The following DISC1 variants were observed in gnomAD, a reference collection of about 807,000 sequenced individuals.
DISC1 encodes disrupted in schizophrenia 1 protein.
DISC1 carries 57 observed loss-of-function variants against 84.5 expected under a neutral mutation model. The observed-to-expected ratio is 0.67, with a 90% confidence interval of 0.55 to 0.84. DISC1 has a LOEUF of 0.84. Among genes scored for constraint, DISC1 ranks in the 40% least tolerant of loss-of-function variants. The pLI is 0.00. For missense variants in DISC1, 1,000 were observed against 1,057.8 expected (o/e 0.95, Z 0.76); for synonymous variants, 411 against 415.2 (o/e 0.99, Z 0.12).
chr1:231,853,521 A>G (rs2084047897), intron 9 of DISC1, among the ~76,000 whole-genome samples: 1 of 152,242 alleles, frequency 6.6e-6, no homozygotes, highest in African/African-American at 2.4e-5. Context: ...ATGTGGCATT[A>G]TAATCTTAGG....
intron 3 of DISC1, among the ~76,000 whole-genome samples, chr1:231,704,967 A>C (rs2124937850): frequency 6.6e-6 from 1 of 152,140 alleles, no homozygotes; most frequent in East Asian, 1.9e-4. Flanking sequence ...CATCTCAAGG[A>C]GTATGCAGTC....
chr1:231,629,053 A>G (rs777739989), intron 1 of DISC1, among the ~76,000 whole-genome samples: 2 of 152,164 alleles, frequency 1.3e-5, no homozygotes, highest in Admixed American at 6.5e-5. Flanking sequence ...CTGCATATCT[A>G]TAGACCCAAA....
At chr1:231,982,761 A>G (rs1663797238) in intron 10 of DISC1, among the ~76,000 whole-genome samples, 3 of 152,190 alleles carry the variant, frequency 2.0e-5, no homozygotes, top group African/African-American at 7.2e-5. Flanking sequence ...ATACGCAAAG[A>G]TAAGAACAGC....
chr1:231,841,721 G>A (rs1284512738), intron 9 of DISC1, among the ~76,000 whole-genome samples: 1 of 152,144 alleles, frequency 6.6e-6, no homozygotes, highest in Admixed American at 6.5e-5. Context: ...TCAATTCACA[G>A]CTTTAACTTA....
At chr1:231,673,922 C>T (rs139044814) in intron 1 of DISC1, among the ~76,000 whole-genome samples, 1 of 152,194 alleles carries the variant, frequency 6.6e-6, no homozygotes, top group Non-Finnish European at 1.5e-5. Flanking sequence ...GTCCTATGCT[C>T]TAAGACATGT....
chr1:231,848,893 C>T lies in DISC1; in HGVS notation c.1981+30376C>T, dbSNP rs113387567. 4.6e-5 allele frequency among the ~76,000 whole-genome samples: 7 copies of T among 152,254 alleles called. 1 individual carries two copies. Among genetic ancestry groups the T allele is most frequent in the African/African-American group, 1.7e-4 (7 of 41,558 alleles). On this transcript the variant is annotated intron_variant, in intron 9 of 12. Coordinates refer to ENST00000439617, the MANE Select transcript of DISC1 (RefSeq NM_018662.3). ...GGGATTACATTATATTCATACTCTGCAGTGTCTTGCACATAGAGGCCTTAC... is the reference window on the plus strand; with the variant it reads ...GGGATTACATTATATTCATACTCTGTAGTGTCTTGCACATAGAGGCCTTAC...
At position 231,724,152 on chromosome 1, in the gene DISC1, G is replaced by C. The variant is rs149274936; in HGVS notation, c.1117+22128G>C. On this transcript the variant is annotated intron_variant, in intron 3 of 12. Transcript: ENST00000439617. Reference sequence around the variant, plus strand: ...CTTGGTACTTCATTTGGCTTTGCATGCTCAATTGTCATATCCTCTGTGTGG... The same window carrying C: ...CTTGGTACTTCATTTGGCTTTGCATCCTCAATTGTCATATCCTCTGTGTGG... 7.5e-4 allele frequency: 387 copies of C among 517,762 alleles called. 1 individual carries two copies. The African/African-American group carries it at 7.6e-3, about 10-fold the overall frequency. The allele number at this position is 517,762 out of a possible 1,614,324, so 32.1% of individuals were successfully genotyped here.
At position 232,034,991 on chromosome 1, in the gene DISC1, G is replaced by A. The variant is rs149404942; in HGVS notation, c.2426-1701G>A. Among the ~76,000 whole-genome samples the A allele has an allele frequency of 9.2e-5, 14 of 152,262 alleles. No homozygotes were observed. In the East Asian group the frequency reaches 2.7e-3, roughly 29 times the overall value. On this transcript the variant is annotated intron_variant, in intron 12 of 12. Coordinates refer to ENST00000439617, the MANE Select transcript of DISC1 (RefSeq NM_018662.3). ...CCATTTTCCTCAAGTTCAAATGCAA[G>A]GAGAGAACCCTAGCAGTAAATGCAT... is the stretch of plus-strand genomic sequence containing the variant.
At chr1:231,642,216 C>G (rs2059773493) in intron 1 of DISC1, among the ~76,000 whole-genome samples, 1 of 152,196 alleles carries the variant, frequency 6.6e-6, no homozygotes. Flanking sequence ...ACCCGCGGAG[C>G]CCATGCTCAC....
At chr1:231,629,440 G>C (rs994000788) in intron 1 of DISC1, 1 of 153,202 alleles carries the variant, frequency 6.5e-6, no homozygotes, top group African/African-American at 2.4e-5. Flanking sequence ...CGAGAGGAGC[G>C]TGAATGCTCT....
At chr1:231,702,294 G>GC (rs1238996862) in intron 3 of DISC1, 1 of 1,149,192 alleles carries the variant, frequency 8.7e-7, no homozygotes, top group African/African-American at 1.6e-5. Context: ...ATATTAGCTT[G>GC]CCACCTGTCT....
At chr1:231,874,625 T>C (rs1476801958) in intron 9 of DISC1, among the ~76,000 whole-genome samples, 2 of 151,844 alleles carry the variant, frequency 1.3e-5, no homozygotes, top group East Asian at 3.9e-4. Context: ...TTATTAAGAA[T>C]ACCAGGCTGG....
rs375735946 is a variant in DISC1, at chr1:231,733,617, AGTG to A, written c.1118-16300_1118-16298del. On this transcript the variant is annotated intron_variant, in intron 3 of 12. Coordinates refer to ENST00000439617, the MANE Select transcript of DISC1 (RefSeq NM_018662.3). ...TGGTAGTTGTGGTGATGATGGTAGG[AGTG>A]GTGGTGGTTGTGGCAGTGCTGGTGA... Among the ~76,000 whole-genome samples the A allele has an allele frequency of 2.0e-3, 295 of 145,922 alleles. 3 individuals are homozygous for A. The highest frequency in any genetic ancestry group is 7.5e-3 in the African/African-American group (288 of 38,646).
Position 232,009,317 on chromosome 1 carries a change from C to T in DISC1, c.2307+268C>T. On this transcript the variant is annotated intron_variant, in intron 11 of 12. Transcript: ENST00000439617. This position sits in a 1 kb window ranked among gnomAD's most constrained non-coding sequence, Gnocchi z 4.6. ...AGTGGCTAGAATTAGAATATGCAGT[C>T]TAATATAGAATTACCATATATAGCA... The T allele has an allele frequency of 4.9e-6, 6 of 1,225,092 alleles. No individual in the cohort carries two copies. Among genetic ancestry groups the T allele is most frequent in the Non-Finnish European group, 5.2e-6 (5 of 970,842 alleles). 75.9% of individuals were successfully genotyped at this position (1,225,092 alleles called of 1,614,324 possible). A position where few individuals can be genotyped will look rare whatever the true frequency, so the allele number is the denominator to read the frequency against.
chr1:231,849,277 C>T (rs4658956), intron 9 of DISC1, among the ~76,000 whole-genome samples: 33,519 of 151,972 alleles, frequency 0.22, 4,375 homozygotes, highest in East Asian at 0.43. Context: ...TGCGCCACCA[C>T]GCTCGGCTAA....
intron 9 of DISC1, among the ~76,000 whole-genome samples, chr1:231,853,475 A>T (rs1415373681): frequency 6.6e-6 from 1 of 152,244 alleles, no homozygotes; most frequent in Non-Finnish European, 1.5e-5. Context: ...GTATTTGTGT[A>T]TCTGAACATA....
intron 1 of DISC1, among the ~76,000 whole-genome samples, chr1:231,692,150 C>G (rs1282478165): frequency 6.6e-6 from 1 of 152,162 alleles, no homozygotes; most frequent in Non-Finnish European, 1.5e-5. Context: ...GCTTTCTGAG[C>G]TTTAGCTGTA....
chr1:231,984,290 G>GA (rs1664083054), intron 10 of DISC1, among the ~76,000 whole-genome samples: 1 of 152,178 alleles, frequency 6.6e-6, no homozygotes, highest in East Asian at 1.9e-4. Flanking sequence ...AAAACGTGGA[G>GA]AATACAACAC....
intron 6 of DISC1, among the ~76,000 whole-genome samples, chr1:231,785,790 A>G (rs2077805104): frequency 6.6e-6 from 1 of 152,120 alleles, no homozygotes; most frequent in Non-Finnish European, 1.5e-5. Context: ...ATAAAATTGA[A>G]TTTCTCATCT....
Sources: gnomAD v4.1 joint callset for allele counts (sites outside exome capture counted in the v4.1 genomes callset) on GRCh38, gnomAD v4.1.1 for gene constraint, Gnocchi (gnomAD v3.1) non-coding constraint, MANE v1.5 for transcripts, NCBI Gene and HGNC (gene_info 2026-07-23, HGNC 2026-07-21) for gene names.